Variants in PDE4D observed in about 807,000 individuals in gnomAD.
PDE4D encodes the protein 3',5'-cyclic-AMP phosphodiesterase 4D.
In PDE4D, 24 loss-of-function variants were observed where a neutral mutation model predicts 87.4. The ratio of observed to expected loss-of-function variants is 0.27; its 90% CI spans 0.20 to 0.39. The LOEUF is 0.39. PDE4D is among the 10% of genes least tolerant of loss of function. PDE4D has a pLI of 1.00. For synonymous variants in PDE4D, 384 were observed against 383.2 expected, an observed-to-expected ratio of 1.00 and a Z score of -0.02; for missense variants, 714 against 1,041.0, an observed-to-expected ratio of 0.69 and a Z score of 4.32.
chr5:59,258,727 A>T (rs1326245612), intron 1 of PDE4D, among the ~76,000 whole-genome samples: 1 of 148,724 alleles, frequency 6.7e-6, no homozygotes, highest in Non-Finnish European at 1.5e-5. Flanking sequence ...ATATAGATAT[A>T]TATATCAGTT....
chr5:59,251,947 C>A (rs1281208044), intron 1 of PDE4D, among the ~76,000 whole-genome samples: 1 of 152,120 alleles, frequency 6.6e-6, no homozygotes, highest in Non-Finnish European at 1.5e-5. Flanking sequence ...TGCATGTTCT[C>A]ACTTATAAGT....
chr5:60,099,431 T>C lies in PDE4D; in HGVS notation c.42+86126A>G, dbSNP rs576774524. ...TGAACAACATGAAAATCAAAAACAT[T>C]TGCATGGTAAAAATTCACCATAAGT... is the stretch of plus-strand genomic sequence containing the variant. On this transcript the variant is annotated intron_variant, in intron 2 of 16. Coordinates refer to the PDE4D transcript ENST00000502484. Among the ~76,000 whole-genome samples the C allele has an allele frequency of 2.0e-5, 3 of 151,886 alleles. No homozygotes were observed. In the East Asian group the frequency reaches 5.8e-4, roughly 29 times the overall value.
At chr5:60,074,152 G>A (rs79830044) in intron 2 of PDE4D, among the ~76,000 whole-genome samples, 1 of 152,116 alleles carries the variant, frequency 6.6e-6, no homozygotes, top group Admixed American at 6.5e-5. Flanking sequence ...ACTTTTTGAT[G>A]TGAGCATTTA....
At chr5:60,388,527 T>C (rs1762356140) in intron 1 of PDE4D, among the ~76,000 whole-genome samples, 1 of 152,178 alleles carries the variant, frequency 6.6e-6, no homozygotes, top group African/African-American at 2.4e-5. Context: ...ATTGTTCCCC[T>C]CTCTGTGTCC....
intron 1 of PDE4D, among the ~76,000 whole-genome samples, chr5:59,428,110 A>AAAT (rs1795573736): frequency 1.3e-5 from 2 of 152,226 alleles, no homozygotes; most frequent in African/African-American, 4.8e-5. Flanking sequence ...GACCAATTAA[A>AAAT]TGATCATGTG....
At chr5:59,287,703 A>G (rs1581776675) in intron 1 of PDE4D, among the ~76,000 whole-genome samples, 1 of 148,168 alleles carries the variant, frequency 6.7e-6, no homozygotes, top group Non-Finnish European at 1.5e-5. Flanking sequence ...CAGATCCAGG[A>G]AACAGAGACA....
rs533160698 is a variant in PDE4D, at chr5:60,409,171, T to C, written c.-90+78771A>G. On this transcript the variant is annotated intron_variant, in intron 1 of 16. Transcript: ENST00000502484. Reference sequence around the variant, plus strand: ...GTAACTGGAAGTGGGGATGGCTACTTCGGTTAGGGTGGCCAGAAAAGATCC... The same window carrying C: ...GTAACTGGAAGTGGGGATGGCTACTCCGGTTAGGGTGGCCAGAAAAGATCC... Among the ~76,000 whole-genome samples, 35 of 152,170 alleles carry C rather than the reference T, an allele frequency of 2.3e-4. 2 individuals carry two copies. The South Asian group carries it at 6.0e-3, about 26-fold the overall frequency.
chr5:59,830,656 A>C (rs17311925), intron 1 of PDE4D, among the ~76,000 whole-genome samples: 34,165 of 151,998 alleles, frequency 0.22, 4,865 homozygotes, highest in Admixed American at 0.34. Flanking sequence ...TTAATTAACA[A>C]ATCAGAATAT....
chr5:58,988,826 GTAT>G (rs1747179813), intron 10 of PDE4D, among the ~76,000 whole-genome samples: 1 of 151,690 alleles, frequency 6.6e-6, no homozygotes, highest in Admixed American at 6.6e-5. Flanking sequence ...TCCATTCACT[GTAT>G]TTTTTAAAAT....
At chr5:60,239,460 T>C (rs1302975154) in intron 1 of PDE4D, among the ~76,000 whole-genome samples, 1 of 152,128 alleles carries the variant, frequency 6.6e-6, no homozygotes, top group Non-Finnish European at 1.5e-5. Flanking sequence ...ATTGTCAAGT[T>C]CCTGAAAACA....
At chr5:59,153,597 T>A (rs1314988110) in intron 5 of PDE4D, among the ~76,000 whole-genome samples, 2 of 152,192 alleles carry the variant, frequency 1.3e-5, no homozygotes, top group Admixed American at 6.5e-5. Context: ...CCAAGAATCA[T>A]TTCAAGATGT....
chr5:59,375,294 G>C (rs1400178654), intron 1 of PDE4D, among the ~76,000 whole-genome samples: 8 of 151,990 alleles, frequency 5.3e-5, no homozygotes, highest in African/African-American at 1.9e-4. Context: ...CCACCAGCTA[G>C]ATTAATAAAG....
At chr5:59,071,689 T>C (rs1247771970) in intron 5 of PDE4D, among the ~76,000 whole-genome samples, 1 of 129,450 alleles carries the variant, frequency 7.7e-6, no homozygotes, top group Non-Finnish European at 1.6e-5. Context: ...TCTTCTTTTT[T>C]TTTTTTTTTT....
Position 60,328,041 on chromosome 5 carries a change from G to A in PDE4D, c.-89-142354C>T, listed in dbSNP as rs142070932. Among the ~76,000 whole-genome samples the A allele has an allele frequency of 1.9e-4, 29 of 152,282 alleles. No individual in the cohort carries two copies. The East Asian group carries it at 5.0e-3, about 26-fold the overall frequency. ...TGACAGAATCTTTCCTCTGACCTCA[G>A]ATAATTGTCACCAGCCTATTTTCAC... On this transcript the variant is annotated intron_variant, in intron 1 of 16. Transcript: ENST00000502484.
chr5:59,879,762 C>T (rs1050761386), intron 1 of PDE4D, among the ~76,000 whole-genome samples: 4 of 152,110 alleles, frequency 2.6e-5, no homozygotes, highest in African/African-American at 7.2e-5. Flanking sequence ...TTTTTTGAGA[C>T]GAAAGTCTCG....
At chr5:59,050,826 G>A (rs1430609153) in intron 5 of PDE4D, among the ~76,000 whole-genome samples, 1 of 152,182 alleles carries the variant, frequency 6.6e-6, no homozygotes, top group Non-Finnish European at 1.5e-5. Flanking sequence ...TATGAGAAAT[G>A]CATAAGAAAT....
chr5:60,294,776 T>C (rs1027967791), intron 1 of PDE4D, among the ~76,000 whole-genome samples: 2 of 152,110 alleles, frequency 1.3e-5, no homozygotes, highest in African/African-American at 4.8e-5. Context: ...ACAGTTATAA[T>C]ACAACTATAT....
chr5:59,152,874 A>T (rs779777867), intron 5 of PDE4D, among the ~76,000 whole-genome samples: 2 of 152,166 alleles, frequency 1.3e-5, no homozygotes, highest in Admixed American at 1.3e-4. Flanking sequence ...GTTCAAGACC[A>T]TAAAACAACA....
intron 6 of PDE4D, 32 bp from the exon 7 acceptor site, chr5:58,993,497 G>T: frequency 7.2e-7 from 1 of 1,391,730 alleles, no homozygotes; most frequent in Non-Finnish European, 1.0e-6. Flanking sequence ...TGAAATAATA[G>T]AAGAGGAAAA....
Sources: gnomAD v4.1 joint callset for allele counts (sites outside exome capture counted in the v4.1 genomes callset) on GRCh38, gnomAD v4.1.1 for gene constraint, MANE v1.5 for transcripts, NCBI Gene and HGNC (gene_info 2026-07-23, HGNC 2026-07-21) for gene names.